Variants in ARAP2 observed in about 807,000 individuals in gnomAD.
ARAP2 encodes arf-GAP with Rho-GAP domain, ANK repeat and PH domain-containing protein 2.
ARAP2 carries 148 observed loss-of-function variants against 194.5 expected under a neutral mutation model. That is an observed-to-expected ratio of 0.76 (90% CI 0.67 to 0.87). The LOEUF is 0.87. Ranked by LOEUF, ARAP2 falls within the 40% of genes least tolerant of loss-of-function variation. The pLI is 0.00. For synonymous variants in ARAP2, 695 were observed against 683.5 expected (o/e 1.02, Z -0.26); for missense variants, 2,128 against 1,989.7 (o/e 1.07, Z -1.32).
At chr4:36,210,079 T>C (rs1746402156) in intron 6 of ARAP2, among the ~76,000 whole-genome samples, 1 of 152,182 alleles carries the variant, frequency 6.6e-6, no homozygotes, top group Non-Finnish European at 1.5e-5. Context: ...CTTTGTTACA[T>C]ACTGGGACAC....
At chr4:36,165,206 TAAAC>T in intron 10 of ARAP2, 93 bp from the exon 11 acceptor site, 1 of 1,221,866 alleles carries the variant, frequency 8.2e-7, no homozygotes. Flanking sequence ...ACTCACAAAT[TAAAC>T]AACAGCTGAA....
intron 9 of ARAP2, among the ~76,000 whole-genome samples, chr4:36,175,888 C>T (rs1417597344): frequency 6.6e-6 from 1 of 152,142 alleles, no homozygotes; most frequent in Non-Finnish European, 1.5e-5. Context: ...ACCTCACCAT[C>T]CATCATATAT....
chr4:36,191,618 GA>G (rs1741922591), intron 7 of ARAP2, among the ~76,000 whole-genome samples: 1 of 151,296 alleles, frequency 6.6e-6, no homozygotes, highest in Non-Finnish European at 1.5e-5. Flanking sequence ...AGACAATAAA[GA>G]AAAAAATACT....
Position 36,067,929 on chromosome 4 carries a change from T to C in ARAP2, c.5093A>G (p.Gln1698Arg). ...TTCCTACTTCAAAATCTGCTCATCC[T>C]GTAATTCTTTTGGAAGGGTTCTTGA... ...QRSRTLPKEL[Q>R]DEQILK The change falls in exon 33 of 33, where the codon CAG (glutamine) becomes CGG (arginine). Residue 1698 changes from glutamine (Q) to arginine (R), a missense_variant. By Grantham distance (43) the Gln-to-Arg change is conservative. Transcript: ENST00000303965. The C allele has an allele frequency of 6.3e-7, 1 of 1,587,016 alleles. No individual in the cohort carries two copies. The highest frequency in any genetic ancestry group is 1.1e-5 in the South Asian group (1 of 87,158).
At chr4:36,187,193 T>C (rs535558147) in intron 8 of ARAP2, among the ~76,000 whole-genome samples, 11 of 152,208 alleles carry the variant, frequency 7.2e-5, no homozygotes, top group Non-Finnish European at 1.5e-4. Flanking sequence ...CTACTTTTTT[T>C]CACATTGTAT....
intron 27 of ARAP2, among the ~76,000 whole-genome samples, chr4:36,093,525 GATT>G (rs1714338843): frequency 6.6e-6 from 1 of 151,966 alleles, no homozygotes; most frequent in African/African-American, 2.4e-5. Context: ...AAAAAATTGT[GATT>G]ATTATGTTCA....
chr4:36,189,877 CTCCTTA>C (rs1741472920), intron 7 of ARAP2, among the ~76,000 whole-genome samples: 1 of 152,184 alleles, frequency 6.6e-6, no homozygotes, highest in African/African-American at 2.4e-5. Flanking sequence ...GACTTACACT[CTCCTTA>C]TATCTGTCCA....
rs550883995 is a variant in ARAP2 at position 36,145,723 on chromosome 4, T to C, written c.3263+1573A>G. Among the ~76,000 whole-genome samples, 4 of 152,072 alleles carry C rather than the reference T, an allele frequency of 2.6e-5. No homozygotes were observed. The East Asian group carries it at 7.8e-4, about 29-fold the overall frequency. ...GAAACTGTCTTCCTTATTGCTCTGG[T>C]ATGTCCCTGGCTGCTCCTTCCTAGG... On this transcript the variant is annotated intron_variant, in intron 19 of 32. Transcript: ENST00000303965.
At chr4:36,177,517 A>T (rs1459987154) in intron 9 of ARAP2, among the ~76,000 whole-genome samples, 1 of 152,144 alleles carries the variant, frequency 6.6e-6, no homozygotes, top group African/African-American at 2.4e-5. Context: ...TTGGTCCTTA[A>T]TTGTTCTCTC....
At chr4:36,163,813 C>T (rs1734649075) in intron 11 of ARAP2, among the ~76,000 whole-genome samples, 1 of 152,086 alleles carries the variant, frequency 6.6e-6, no homozygotes, top group Non-Finnish European at 1.5e-5. Context: ...CCGTCTCTTC[C>T]AATGAAACTG....
intron 28 of ARAP2, among the ~76,000 whole-genome samples, chr4:36,085,103 T>C (rs1174216218): frequency 6.6e-6 from 1 of 152,074 alleles, no homozygotes; most frequent in Non-Finnish European, 1.5e-5. Flanking sequence ...TCTTTATTTG[T>C]TTGTACTAGT....
intron 27 of ARAP2, among the ~76,000 whole-genome samples, chr4:36,092,375 C>T (rs980604496): frequency 4.6e-5 from 7 of 151,916 alleles, no homozygotes; most frequent in Non-Finnish European, 8.8e-5. Context: ...TTTGGGAGGC[C>T]GAGGCGGGCG....
At position 36,177,977 on chromosome 4, in the gene ARAP2, T is replaced by C. The variant is rs763786030; in HGVS notation, c.1707A>G (p.Leu569=). 1.2e-6 allele frequency: 2 copies of C among 1,610,410 alleles called. No individual in the cohort carries two copies. The highest frequency in any genetic ancestry group is 2.2e-5 in the East Asian group (1 of 44,834). ...GGGATTGTGATTTCAGTGCATTTAATAGTATGCTGATCCAGTCATTTCTCT... is the reference window on the plus strand; with the variant it reads ...GGGATTGTGATTTCAGTGCATTTAACAGTATGCTGATCCAGTCATTTCTCT... ...EEERNDWISI[L]LNALKSQSLT... Residue 569 remains leucine, a synonymous_variant, in exon 9 of 33, where the codon CTA becomes CTG. Transcript: ENST00000303965.
intron 8 of ARAP2, among the ~76,000 whole-genome samples, chr4:36,181,733 A>G (rs1335416007): frequency 6.6e-6 from 1 of 152,234 alleles, no homozygotes; most frequent in Non-Finnish European, 1.5e-5. Context: ...TATTCTGAAT[A>G]CCAGGAATGG....
intron 26 of ARAP2, among the ~76,000 whole-genome samples, chr4:36,112,796 A>G (rs1720359373): frequency 6.6e-6 from 1 of 151,958 alleles, no homozygotes; most frequent in African/African-American, 2.4e-5. Context: ...GAGACAAAGT[A>G]CAATGAAAAT....
intron 24 of ARAP2, among the ~76,000 whole-genome samples, chr4:36,117,713 T>C (rs1296901372): frequency 2.0e-5 from 3 of 151,628 alleles, no homozygotes; most frequent in Admixed American, 6.6e-5. Context: ...AGTGAGGTCA[T>C]TCATGGAATA....
intron 27 of ARAP2, among the ~76,000 whole-genome samples, chr4:36,093,572 T>A (rs1714351890): frequency 6.6e-6 from 1 of 152,090 alleles, no homozygotes; most frequent in Non-Finnish European, 1.5e-5. Flanking sequence ...CTTAGAAAGG[T>A]TAAGCAGATT....
rs764078436 is a variant in ARAP2, at chr4:36,229,095, T to C, written c.392A>G (p.Asp131Gly). The C allele has an allele frequency of 1.2e-6, 2 of 1,614,092 alleles. No homozygotes were observed. Among genetic ancestry groups the C allele is most frequent in the South Asian group, 1.1e-5 (1 of 91,072 alleles). Reference sequence around the variant, plus strand: ...ATACTGGCTTCTTTCCACACTTGCATCACTGTCTTCAAGATTTTTTCTAAC... The same window carrying C: ...ATACTGGCTTCTTTCCACACTTGCACCACTGTCTTCAAGATTTTTTCTAAC... ...ETVRKNLEDS[D>G]ASVERSQYPQ... The change falls in exon 2 of 33, where the codon GAT becomes GGT. Residue 131 changes from aspartate (D) to glycine (G), a missense_variant. Transcript: ENST00000303965.
At chr4:36,160,952 G>A (rs1318322969) in intron 12 of ARAP2, among the ~76,000 whole-genome samples, 3 of 152,292 alleles carry the variant, frequency 2.0e-5, no homozygotes, top group South Asian at 2.1e-4. Flanking sequence ...AAATGGCCGA[G>A]TAGGTGGGCT....
Sources: gnomAD v4.1 joint callset for allele counts (sites outside exome capture counted in the v4.1 genomes callset) on GRCh38, gnomAD v4.1.1 for gene constraint, MANE v1.5 for transcripts, NCBI Gene and HGNC (gene_info 2026-07-23, HGNC 2026-07-21) for gene names.